Variants in BLTP1 observed in about 807,000 individuals in gnomAD.
BLTP1 encodes fragile site-associated protein.
the BLTP1 span, chr4:122,223,255 T>G: frequency 6.4e-6 from 3 of 468,714 alleles, no homozygotes; most frequent in Admixed American, 6.4e-5. Flanking sequence ...TAAAAAAAAT[T>G]TTTTTAAGAC....
chr4:122,153,992 T>A, the BLTP1 span: 1 of 984,778 alleles, frequency 1.0e-6, no homozygotes, highest in Non-Finnish European at 1.2e-6. Context: ...CCAGAATACC[T>A]TGTATAATTA....
chr4:122,213,333 A>G, the BLTP1 span, among the ~76,000 whole-genome samples: 3 of 152,122 alleles, frequency 2.0e-5, no homozygotes, highest in East Asian at 5.8e-4. Flanking sequence ...GTGAACCACC[A>G]TTCCTGGTCT....
At chr4:122,355,091 T>C in the BLTP1 span, among the ~76,000 whole-genome samples, 1 of 152,076 alleles carries the variant, frequency 6.6e-6, no homozygotes, top group Non-Finnish European at 1.5e-5. Context: ...AATAAGAAAG[T>C]GAATCAGAAG....
chr4:122,254,636 A>ATT, the BLTP1 span: 881 of 777,202 alleles, frequency 1.1e-3, 1 homozygote, highest in Admixed American at 1.8e-3. Flanking sequence ...TCTATTGTCC[A>ATT]TTTTTTTTAA....
At chr4:122,224,350 A>T in the BLTP1 span, 2 of 860,258 alleles carry the variant, frequency 2.3e-6, no homozygotes, top group African/African-American at 3.4e-5. Flanking sequence ...CTGCGGGTAC[A>T]AGGTTGTGTT....
At chr4:122,154,162 C>CTTTTT in the BLTP1 span, 861 of 254,878 alleles carry the variant, frequency 3.4e-3, 153 homozygotes, top group African/African-American at 0.027. Context: ...CGGTTAAAGA[C>CTTTTT]TTTTTTTTTT....
At chr4:122,304,091 C>T in the BLTP1 span, among the ~76,000 whole-genome samples, 1 of 152,272 alleles carries the variant, frequency 6.6e-6, no homozygotes, top group Non-Finnish European at 1.5e-5. Context: ...ACAGTCACCC[C>T]AGACTTCAAC....
chr4:122,339,161 T>G, the BLTP1 span: 1 of 1,565,642 alleles, frequency 6.4e-7, no homozygotes, highest in Non-Finnish European at 8.7e-7. Flanking sequence ...TTAAAACTTT[T>G]CTTTTATCCA....
the BLTP1 span, among the ~76,000 whole-genome samples, chr4:122,198,931 A>G: frequency 1.3e-5 from 2 of 152,174 alleles, no homozygotes; most frequent in Non-Finnish European, 2.9e-5. Context: ...GCTTTTGTTG[A>G]GAATGGACTA....
the BLTP1 span, among the ~76,000 whole-genome samples, chr4:122,311,748 AC>A: frequency 1.6e-4 from 25 of 152,320 alleles, no homozygotes; most frequent in Admixed American, 1.5e-3. Flanking sequence ...GTGTATTCAG[AC>A]AAAATAAACC....
chr4:122,191,855 A>G, the BLTP1 span, among the ~76,000 whole-genome samples: 1 of 152,148 alleles, frequency 6.6e-6, no homozygotes, highest in Non-Finnish European at 1.5e-5. Context: ...GCTAGACATT[A>G]GAGATTTGCC....
At chr4:122,231,706 T>G in the BLTP1 span, 1 of 974,188 alleles carries the variant, frequency 1.0e-6, no homozygotes, top group Non-Finnish European at 1.2e-6. Flanking sequence ...AAAACTCGAA[T>G]CCCTCTGGAT....
the BLTP1 span, chr4:122,299,889 T>C: frequency 6.1e-6 from 6 of 984,980 alleles, no homozygotes; most frequent in African/African-American, 1.7e-5. Flanking sequence ...GTATGCTGTA[T>C]ATTTTAGAGA....
At chr4:122,356,060 A>C in the BLTP1 span, 2 of 1,180,844 alleles carry the variant, frequency 1.7e-6, no homozygotes, top group African/African-American at 1.5e-5. Context: ...CTGTGTTCCC[A>C]TGGATTTTTT....
the BLTP1 span, chr4:122,172,154 TG>T: frequency 3.1e-6 from 1 of 323,384 alleles, no homozygotes; most frequent in Non-Finnish European, 4.4e-6. Context: ...TAAGCTGCCC[TG>T]GGAATTGTAT....
chr4:122,336,434 A>T, the BLTP1 span: 1 of 888,404 alleles, frequency 1.1e-6, no homozygotes, highest in African/African-American at 1.7e-5. Flanking sequence ...ATGCTATTAT[A>T]CATTATTACA....
the BLTP1 span, among the ~76,000 whole-genome samples, chr4:122,214,830 TC>T: frequency 6.6e-6 from 1 of 152,102 alleles, no homozygotes; most frequent in South Asian, 2.1e-4. Flanking sequence ...CAGGCTGGTC[TC>T]GAACTCCTAG....
At chr4:122,260,062 A>G in the BLTP1 span, 2 of 304,498 alleles carry the variant, frequency 6.6e-6, no homozygotes, top group Non-Finnish European at 9.6e-6. Context: ...TGTAAACATC[A>G]TAGCCTGTAC....
the BLTP1 span, among the ~76,000 whole-genome samples, chr4:122,165,602 T>C: frequency 2.3e-5 from 3 of 128,284 alleles, no homozygotes; most frequent in African/African-American, 7.8e-5. Context: ...ATAGGATGGC[T>C]GGGTCAAATG....
Sources: gnomAD v4.1 joint callset for allele counts (sites outside exome capture counted in the v4.1 genomes callset) on GRCh38, gnomAD v4.1.1 for gene constraint, MANE v1.5 for transcripts, NCBI Gene and HGNC (gene_info 2026-07-23, HGNC 2026-07-21) for gene names.